The following ARHGAP6 variants were observed in gnomAD, a reference collection of about 807,000 sequenced individuals.
ARHGAP6 encodes the protein rho GTPase-activating protein 6.
ARHGAP6 carries 16 observed loss-of-function variants against 55.7 expected under a neutral mutation model. The observed-to-expected ratio is 0.29, with a 90% CI of 0.19 to 0.44. The LOEUF (loss-of-function observed/expected upper bound fraction) is 0.44. Among genes scored for constraint, ARHGAP6 ranks in the 20% least tolerant of loss-of-function variants. The pLI is 1.00. For synonymous variants in ARHGAP6, 382 were observed against 360.9 expected (o/e 1.06, Z -0.66); for missense variants, 698 against 808.9 (o/e 0.86, Z 1.66).
intron 10 of ARHGAP6, among the ~76,000 whole-genome samples, chrX:11,152,815 G>A (rs1372909780): frequency 8.9e-6 from 1 of 112,226 alleles, no homozygotes. Flanking sequence ...CTAAGCTAGA[G>A]GTTCTTAACC....
chrX:11,651,212 G>A (rs1195169027), intron 1 of ARHGAP6, among the ~76,000 whole-genome samples: 1 of 111,368 alleles, frequency 9.0e-6, no homozygotes, highest in African/African-American at 3.3e-5. Flanking sequence ...CGGGGGTTTA[G>A]CTATACAGAT....
At chrX:11,261,983 C>A (rs984105687) in intron 1 of ARHGAP6, among the ~76,000 whole-genome samples, 10 of 111,655 alleles carry the variant, frequency 9.0e-5, no homozygotes, top group African/African-American at 3.3e-4. Context: ...TGCTGTTAAG[C>A]CCAGATTACA....
chrX:11,411,053 A>G (rs1367526194), intron 1 of ARHGAP6, among the ~76,000 whole-genome samples: 1 of 104,363 alleles, frequency 9.6e-6, no homozygotes, highest in East Asian at 3.2e-4. Flanking sequence ...GTCCCAAGCA[A>G]ATTTCAGTGT....
intron 1 of ARHGAP6, among the ~76,000 whole-genome samples, chrX:11,454,755 G>A (rs746399586): frequency 4.4e-5 from 5 of 112,390 alleles, no homozygotes; most frequent in Non-Finnish European, 9.4e-5. Flanking sequence ...GAATTTAAGA[G>A]GTTCTTGGTG....
At chrX:11,159,597 G>A (rs1278021497) in intron 9 of ARHGAP6, among the ~76,000 whole-genome samples, 1 of 111,145 alleles carries the variant, frequency 9.0e-6, no homozygotes, top group Non-Finnish European at 1.9e-5. Context: ...TGCAGGAGGA[G>A]AAGGTTGGGG....
At chrX:11,333,369 G>A (rs924143650) in intron 1 of ARHGAP6, among the ~76,000 whole-genome samples, 1 of 111,731 alleles carries the variant, frequency 9.0e-6, no homozygotes, top group African/African-American at 3.3e-5. Context: ...TGCTCAGCAA[G>A]TCTTCTTGCT....
chrX:11,502,313 T>C lies in ARHGAP6; in HGVS notation c.588+161928A>G, dbSNP rs1347740556. On this transcript the variant is annotated intron_variant, in intron 1 of 12. Transcript: ENST00000337414. ...TGGAGTTACAAGTTGGGATAATGAT[T>C]ACCTTTGGCAGACAGGGGCAGATAA... Among the ~76,000 whole-genome samples the C allele has an allele frequency of 2.3e-4, 26 of 112,413 alleles. No individual in the cohort carries two copies. The Admixed American group carries it at 2.4e-3, about 11-fold the overall frequency.
intron 1 of ARHGAP6, among the ~76,000 whole-genome samples, chrX:11,322,326 G>A (rs2147619969): frequency 9.1e-6 from 1 of 109,459 alleles, no homozygotes; most frequent in East Asian, 2.8e-4. Context: ...CCTGGGGGGA[G>A]GTACAAAATT....
At chrX:11,225,083 G>A (rs2047027830) in intron 2 of ARHGAP6, among the ~76,000 whole-genome samples, 1 of 111,217 alleles carries the variant, frequency 9.0e-6, no homozygotes, top group Non-Finnish European at 1.9e-5. Context: ...TTTTCAGGAT[G>A]CGATCTCACC....
intron 1 of ARHGAP6, among the ~76,000 whole-genome samples, chrX:11,663,965 G>A (rs763979387): frequency 8.9e-6 from 1 of 112,839 alleles, no homozygotes; most frequent in East Asian, 2.8e-4. Context: ...GAAATTGCCT[G>A]CAGCACTAAC....
At chrX:11,537,063 G>A (rs765893298) in intron 1 of ARHGAP6, among the ~76,000 whole-genome samples, 1 of 112,212 alleles carries the variant, frequency 8.9e-6, no homozygotes, top group East Asian at 2.8e-4. Flanking sequence ...CTCTTCTTCT[G>A]TCACAGTAAT....
chrX:11,139,030 G>C lies in ARHGAP6; in HGVS notation c.2758C>G (p.Gln920Glu). ...QGGQAAEREQ[Q>E]VTQKKLSSAN... ...CTGCTCAGTTTTTTCTGCGTGACCTGCTGCTCTCGCTCGGCTGCTTGGCCT... is the reference window on the plus strand; with the variant it reads ...CTGCTCAGTTTTTTCTGCGTGACCTCCTGCTCTCGCTCGGCTGCTTGGCCT... The change falls in exon 13 of 13, where the codon CAG becomes GAG. Residue 920 changes from glutamine to glutamate, a missense_variant. Gln to Glu is a conservative substitution (Grantham distance 29, BLOSUM62 2). This residue lies in a region of ARHGAP6 where 212 missense variants were observed against 208.7 expected (regional missense o/e 1.02). Coordinates refer to ENST00000337414, the MANE Select transcript of ARHGAP6 (RefSeq NM_013427.3). The C allele has an allele frequency of 8.3e-7, 1 of 1,208,030 alleles. No individual in the cohort carries two copies. Among genetic ancestry groups the C allele is most frequent in the South Asian group, 1.8e-5 (1 of 56,386 alleles).
At chrX:11,475,948 C>A (rs1270203459) in intron 1 of ARHGAP6, among the ~76,000 whole-genome samples, 3 of 110,941 alleles carry the variant, frequency 2.7e-5, no homozygotes, top group Admixed American at 9.6e-5. Context: ...TCAAAATACT[C>A]AAACTGTCAA....
At chrX:11,484,444 AGAG>A (rs1441035841) in intron 1 of ARHGAP6, among the ~76,000 whole-genome samples, 2 of 107,734 alleles carry the variant, frequency 1.9e-5, no homozygotes, top group Non-Finnish European at 3.8e-5. Context: ...AGAAAGAGGA[AGAG>A]GAGGACAAGG....
At position 11,138,967 on chromosome X, in the gene ARHGAP6, G is replaced by A. The variant is rs1294281139; in HGVS notation, c.2821C>T (p.Arg941Cys). ...SLPAGEQDSP[R>C]LGDAGWLDWQ... ...TCGAGCCAGCCAGCGTCCCCCAGGC[G>A]CGGACTGTCCTGCTCGCCCGCTGGC... The change falls in exon 13 of 13, where the codon CGC becomes TGC. Residue 941 changes from arginine (R) to cysteine (C), a missense_variant. Physicochemically the swap from Arg to Cys is radical, Grantham distance 180. Around this residue, in one of 3 missense-constraint regions of ARHGAP6, gnomAD observed 212 missense variants for 208.7 expected, o/e 1.02. Coordinates refer to ENST00000337414, the MANE Select transcript of ARHGAP6 (RefSeq NM_013427.3). The A allele has an allele frequency of 3.3e-6, 4 of 1,203,779 alleles. No homozygotes were observed. Among genetic ancestry groups the A allele is most frequent in the Non-Finnish European group, 3.4e-6 (3 of 892,705 alleles).
intron 1 of ARHGAP6, among the ~76,000 whole-genome samples, chrX:11,545,688 G>A (rs1163883085): frequency 9.0e-6 from 1 of 111,544 alleles, no homozygotes; most frequent in Non-Finnish European, 1.9e-5. Context: ...TTAGTTCAGG[G>A]AGCTGCCCCA....
At chrX:11,313,721 A>G (rs1269331143) in intron 1 of ARHGAP6, among the ~76,000 whole-genome samples, 1 of 112,324 alleles carries the variant, frequency 8.9e-6, no homozygotes, top group Non-Finnish European at 1.9e-5. Flanking sequence ...AATTAGAAAG[A>G]TTGTTTATCA....
intron 2 of ARHGAP6, chrX:11,223,372 A>G: frequency 7.8e-6 from 1 of 127,723 alleles, no homozygotes; most frequent in Middle Eastern, 4.0e-3. Context: ...TGGTGTCTGT[A>G]GTGAACAATA....
At chrX:11,333,924 G>A (rs1603089543) in intron 1 of ARHGAP6, among the ~76,000 whole-genome samples, 1 of 111,830 alleles carries the variant, frequency 8.9e-6, no homozygotes, top group East Asian at 2.8e-4. Context: ...TAATTGACAA[G>A]TTTTTTGGTG....
Sources: allele counts gnomAD v4.1 joint callset (sites outside exome capture counted in the v4.1 genomes callset), GRCh38; gene constraint gnomAD v4.1.1; regional missense constraint gnomAD v4.1.1; transcripts MANE v1.5; gene names NCBI Gene and HGNC (gene_info 2026-07-23, HGNC 2026-07-21).